The following SPMIP8 variants were observed in gnomAD, a reference collection of about 807,000 sequenced individuals.
The protein encoded by SPMIP8 is sperm microtubule inner protein 8.
chr16:57,978,448 G>A, the SPMIP8 span, among the ~76,000 whole-genome samples: 34 of 151,886 alleles, frequency 2.2e-4, no homozygotes, highest in African/African-American at 7.7e-4. Flanking sequence ...GCTGAGGCAT[G>A]AGAATTGCTT....
At chr16:57,978,475 G>A in the SPMIP8 span, among the ~76,000 whole-genome samples, 2 of 151,844 alleles carry the variant, frequency 1.3e-5, no homozygotes, top group African/African-American at 2.4e-5. Context: ...GGGAGGCGGA[G>A]GTTGCAGTGA....
chr16:57,985,629 T>A, the SPMIP8 span: 9 of 1,498,568 alleles, frequency 6.0e-6, no homozygotes, highest in Non-Finnish European at 7.1e-6. Flanking sequence ...GCACAGGCAA[T>A]GCCCCTTGAA....
the SPMIP8 span, chr16:57,984,466 T>C: frequency 6.5e-7 from 1 of 1,546,562 alleles, no homozygotes; most frequent in Non-Finnish European, 8.9e-7. Context: ...AGGTGCCTGC[T>C]TGGGACTCCC....
the SPMIP8 span, among the ~76,000 whole-genome samples, chr16:57,983,128 T>A: frequency 1.3e-5 from 2 of 152,206 alleles, no homozygotes; most frequent in African/African-American, 4.8e-5. Context: ...TGTTAATTTA[T>A]TTATTAAAAA....
At chr16:57,977,336 GGAGACAGAGGTTGCATT>G in the SPMIP8 span, among the ~76,000 whole-genome samples, 1 of 141,576 alleles carries the variant, frequency 7.1e-6, no homozygotes, top group Non-Finnish European at 1.5e-5. Flanking sequence ...CTTGAACCCA[GGAGACAGAGGTTGCATT>G]GAGCCAAGAT....
the SPMIP8 span, chr16:57,977,870 T>C: frequency 1.2e-6 from 2 of 1,614,142 alleles, no homozygotes; most frequent in South Asian, 2.2e-5. Flanking sequence ...CACATGTGTA[T>C]GCCTCCCCGG....
At chr16:57,981,464 G>A in the SPMIP8 span, among the ~76,000 whole-genome samples, 1 of 118,260 alleles carries the variant, frequency 8.5e-6, no homozygotes, top group African/African-American at 3.1e-5. Context: ...CAAAGAGTCT[G>A]TTCTCTTAGT....
the SPMIP8 span, among the ~76,000 whole-genome samples, chr16:57,981,501 C>CTTTTTTTTT: frequency 1.4e-5 from 1 of 68,980 alleles, no homozygotes; most frequent in African/African-American, 6.9e-5. Context: ...CTCTCTTTCT[C>CTTTTTTTTT]TTTTTTTTTT....
the SPMIP8 span, chr16:57,987,441 GCTGA>G: frequency 6.2e-5 from 99 of 1,589,254 alleles, no homozygotes; most frequent in East Asian, 2.0e-3. Flanking sequence ...TGGAAAGGAG[GCTGA>G]CTCCCAGGCT....
chr16:57,981,049 T>C, the SPMIP8 span, among the ~76,000 whole-genome samples: 45 of 152,254 alleles, frequency 3.0e-4, no homozygotes, highest in East Asian at 7.5e-3. Context: ...GGTGCGTGAC[T>C]TAACCCTTGC....
chr16:57,985,120 G>GGATTGT, the SPMIP8 span: 1 of 1,356,002 alleles, frequency 7.4e-7, no homozygotes, highest in Non-Finnish European at 9.7e-7. Flanking sequence ...GGGCGGGGCT[G>GGATTGT]GATTGTGGGC....
chr16:57,986,947 C>G, the SPMIP8 span: 48 of 155,576 alleles, frequency 3.1e-4, no homozygotes, highest in Non-Finnish European at 6.0e-4. Context: ...GAAGTCTTCC[C>G]CCACCCTCTG....
chr16:57,985,205 G>A, the SPMIP8 span: 2 of 1,530,970 alleles, frequency 1.3e-6, no homozygotes, highest in Non-Finnish European at 1.8e-6. Flanking sequence ...TCTGTTCGCA[G>A]CGGAGGGTCT....
the SPMIP8 span, chr16:57,976,621 G>C: frequency 6.2e-7 from 1 of 1,613,920 alleles, no homozygotes; most frequent in Non-Finnish European, 8.5e-7. Flanking sequence ...CTACAGATAA[G>C]GTAGCTGCTA....
the SPMIP8 span, among the ~76,000 whole-genome samples, chr16:57,978,543 A>T: frequency 6.6e-6 from 1 of 152,042 alleles, no homozygotes; most frequent in Non-Finnish European, 1.5e-5. Flanking sequence ...TCCGTCTCAA[A>T]AAAAAAAGCA....
chr16:57,976,637 G>A, the SPMIP8 span: 10 of 1,613,530 alleles, frequency 6.2e-6, no homozygotes, highest in Non-Finnish European at 5.9e-6. Context: ...TGCTATTGGT[G>A]AGTCAGAAGC....
chr16:57,984,654 C>A, the SPMIP8 span: 1 of 1,590,928 alleles, frequency 6.3e-7, no homozygotes, highest in Admixed American at 1.8e-5. Context: ...CGCCACAGGC[C>A]AGAAGCTTCG....
chr16:57,985,572 C>A, the SPMIP8 span: 1 of 1,571,738 alleles, frequency 6.4e-7, no homozygotes, highest in Non-Finnish European at 8.6e-7. Context: ...CGCCCGGGGA[C>A]CCCATATCTG....
At chr16:57,985,645 G>A in the SPMIP8 span, 7 of 1,469,772 alleles carry the variant, frequency 4.8e-6, no homozygotes, top group East Asian at 1.7e-4. Flanking sequence ...TTGAAAACGT[G>A]AGAACTGGGA....
Sources: gnomAD v4.1 joint callset for allele counts (sites outside exome capture counted in the v4.1 genomes callset) on GRCh38, gnomAD v4.1.1 for gene constraint, MANE v1.5 for transcripts, NCBI Gene and HGNC (gene_info 2026-07-23, HGNC 2026-07-21) for gene names.